The following TECRL variants were observed in gnomAD, a reference collection of about 807,000 sequenced individuals.
The protein encoded by TECRL is trans-2,3-enoyl-CoA reductase-like.
A neutral mutation model predicts 52.8 loss-of-function variants in TECRL; 63 were observed. The observed-to-expected ratio is 1.19, with a 90% CI of 0.97 to 1.47. The LOEUF (loss-of-function observed/expected upper bound fraction) is 1.47, where lower values mean the gene tolerates loss of function less well. Among genes scored for constraint, TECRL ranks in the 40% most tolerant of loss-of-function variants. The pLI is 0.00. For missense variants in TECRL, 482 were observed against 429.6 expected, an observed-to-expected ratio of 1.12 and a Z score of -1.08; for synonymous variants, 164 against 141.9, an observed-to-expected ratio of 1.16 and a Z score of -1.10.
chr4:64,280,935 T>C, intron 11 of TECRL, 106 bp downstream of exon 11: 1 of 679,836 alleles, frequency 1.5e-6, no homozygotes, highest in Non-Finnish European at 2.4e-6. Flanking sequence ...TATGAAATCC[T>C]TTTACAATCA....
intron 2 of TECRL, among the ~76,000 whole-genome samples, chr4:64,328,824 G>C (rs1718433137): frequency 6.6e-6 from 1 of 151,834 alleles, no homozygotes; most frequent in African/African-American, 2.4e-5. Context: ...TTCAGGTTTT[G>C]GACATGCATC....
At chr4:64,388,750 G>A (rs910207988) in intron 1 of TECRL, among the ~76,000 whole-genome samples, 4 of 151,650 alleles carry the variant, frequency 2.6e-5, no homozygotes, top group Non-Finnish European at 5.9e-5. Context: ...TGTTTTGTTA[G>A]ATTTATACCT....
intron 4 of TECRL, among the ~76,000 whole-genome samples, chr4:64,321,762 G>A (rs574962376): frequency 4.7e-4 from 72 of 152,146 alleles, no homozygotes; most frequent in African/African-American, 1.7e-3. Flanking sequence ...CAAATACCAT[G>A]ATTTTAACAC....
At chr4:64,406,758 A>G (rs1393440893) in intron 1 of TECRL, among the ~76,000 whole-genome samples, 1 of 152,002 alleles carries the variant, frequency 6.6e-6, no homozygotes, top group African/African-American at 2.4e-5. Flanking sequence ...GAGTCCAGAT[A>G]TGCTTAATTC....
At chr4:64,407,363 T>C (rs919703115) in intron 1 of TECRL, among the ~76,000 whole-genome samples, 1 of 152,052 alleles carries the variant, frequency 6.6e-6, no homozygotes, top group Non-Finnish European at 1.5e-5. Flanking sequence ...CTTCTAAATG[T>C]TTAATTTTTT....
chr4:64,305,198 T>A lies in TECRL; in HGVS notation c.698A>T (p.Tyr233Phe). The change falls in exon 7 of 12, where the codon TAC becomes TTC. Residue 233 changes from tyrosine to phenylalanine, a missense_variant. By Grantham distance (22) the Tyr-to-Phe change is conservative. Transcript: ENST00000381210. The part of the protein sequence containing the change: ...FYWGFTSWIA[Y>F]YINHPLYTPP... Reference sequence around the variant, plus strand: ...TGTATATAGTGGATGATTAATGTAGTAGGCAATCCAAGAAGTAAATCCCCA... The same window carrying A: ...TGTATATAGTGGATGATTAATGTAGAAGGCAATCCAAGAAGTAAATCCCCA... 3.1e-6 allele frequency: 5 copies of A among 1,612,920 alleles called. No homozygotes were observed. The highest frequency in any genetic ancestry group is 3.4e-6 in the Non-Finnish European group (4 of 1,179,250).
intron 2 of TECRL, among the ~76,000 whole-genome samples, chr4:64,357,441 G>T (rs879414245): frequency 6.6e-6 from 1 of 151,386 alleles, no homozygotes; most frequent in Non-Finnish European, 1.5e-5. Flanking sequence ...TAAAAAAATG[G>T]ACAAATCATG....
At chr4:64,370,260 T>C (rs1485413377) in intron 2 of TECRL, among the ~76,000 whole-genome samples, 1 of 151,848 alleles carries the variant, frequency 6.6e-6, no homozygotes, top group Non-Finnish European at 1.5e-5. Flanking sequence ...ATATGGATGT[T>C]AAGTATGAGA....
intron 2 of TECRL, among the ~76,000 whole-genome samples, chr4:64,366,855 A>G (rs1382380491): frequency 1.3e-5 from 2 of 152,126 alleles, no homozygotes; most frequent in African/African-American, 4.8e-5. Flanking sequence ...TTACAACAGA[A>G]CTATCGTTTG....
At chr4:64,316,630 A>T (rs1717511172) in intron 4 of TECRL, among the ~76,000 whole-genome samples, 1 of 152,158 alleles carries the variant, frequency 6.6e-6, no homozygotes, top group Admixed American at 6.5e-5. Context: ...GGGAAATAAA[A>T]CAAAATCAAA....
At chr4:64,370,612 TATC>T (rs1449508892) in intron 2 of TECRL, among the ~76,000 whole-genome samples, 2 of 151,866 alleles carry the variant, frequency 1.3e-5, no homozygotes, top group African/African-American at 2.4e-5. Context: ...ATTCCAGTAA[TATC>T]ATCCTAATTT....
At chr4:64,397,672 T>G (rs1436045452) in intron 1 of TECRL, 1 of 152,106 alleles carries the variant, frequency 6.6e-6, no homozygotes, top group African/African-American at 2.4e-5. Context: ...GAAATATTTT[T>G]TCTTTTTTTA....
At chr4:64,358,117 A>T (rs887946279) in intron 2 of TECRL, among the ~76,000 whole-genome samples, 2 of 151,462 alleles carry the variant, frequency 1.3e-5, no homozygotes, top group Admixed American at 1.3e-4. Context: ...AAAAAAAGAC[A>T]TTCTGAATTA....
At chr4:64,357,804 C>G (rs541536291) in intron 2 of TECRL, among the ~76,000 whole-genome samples, 183 of 151,274 alleles carry the variant, frequency 1.2e-3, no homozygotes, top group African/African-American at 4.2e-3. Context: ...AGATAAATTT[C>G]GATGTTTGAA....
chr4:64,408,242 A>C (rs1724861940), intron 1 of TECRL, among the ~76,000 whole-genome samples: 1 of 151,920 alleles, frequency 6.6e-6, no homozygotes, highest in South Asian at 2.1e-4. Context: ...ACATGGAAAA[A>C]CGGAATGATT....
intron 2 of TECRL, among the ~76,000 whole-genome samples, chr4:64,367,912 G>T (rs918839238): frequency 6.6e-6 from 1 of 152,130 alleles, no homozygotes; most frequent in South Asian, 2.1e-4. Flanking sequence ...TGGGAAGGGA[G>T]TTCATAATTT....
chr4:64,408,285 A>C (rs1007166366), intron 1 of TECRL, among the ~76,000 whole-genome samples: 3 of 151,944 alleles, frequency 2.0e-5, no homozygotes, highest in African/African-American at 7.2e-5. Flanking sequence ...ACAGCAACAA[A>C]AACGTATTCA....
chr4:64,376,913 C>A (rs144331545), intron 1 of TECRL, among the ~76,000 whole-genome samples: 1 of 151,938 alleles, frequency 6.6e-6, no homozygotes, highest in Admixed American at 6.6e-5. Flanking sequence ...TTGTAGAAGT[C>A]AAAAATAAAG....
chr4:64,380,643 A>G (rs990953591), intron 1 of TECRL, among the ~76,000 whole-genome samples: 6 of 152,036 alleles, frequency 3.9e-5, no homozygotes, highest in Non-Finnish European at 8.8e-5. Flanking sequence ...TTTTAGCATC[A>G]TTTATTAAAG....
Sources: allele counts gnomAD v4.1 joint callset (sites outside exome capture counted in the v4.1 genomes callset), GRCh38; gene constraint gnomAD v4.1.1; transcripts MANE v1.5; gene names NCBI Gene and HGNC (gene_info 2026-07-23, HGNC 2026-07-21).